The following DAPL1 variants were observed in gnomAD, a reference collection of about 807,000 sequenced individuals.
DAPL1 encodes the protein death-associated protein-like 1.
A neutral mutation model predicts 12.9 loss-of-function variants in DAPL1; 17 were observed. The ratio of observed to expected loss-of-function variants is 1.32; its 90% CI spans 0.90 to 1.98. The LOEUF is 1.98. Ranked by LOEUF, DAPL1 falls within the 30% of genes most tolerant of loss-of-function variation. The pLI, the probability that DAPL1 is intolerant of heterozygous loss-of-function variation, is 0.00. For synonymous variants in DAPL1, 51 were observed against 42.0 expected (o/e 1.21, Z -0.82); for missense variants, 157 against 125.7 (o/e 1.25, Z -1.19).
intron 2 of DAPL1, among the ~76,000 whole-genome samples, chr2:158,804,673 C>T (rs2059190541): frequency 1.3e-5 from 2 of 152,228 alleles, no homozygotes; most frequent in African/African-American, 4.8e-5. Flanking sequence ...CCAAACCTGA[C>T]ACACATCCTT....
intron 1 of DAPL1, among the ~76,000 whole-genome samples, chr2:158,796,010 G>A (rs1336113034): frequency 3.9e-5 from 6 of 152,088 alleles, no homozygotes; most frequent in African/African-American, 1.2e-4. Flanking sequence ...GAGGCTGACT[G>A]GAAAAAGTAG....
At chr2:158,802,623 C>T (rs72995160) in intron 1 of DAPL1, among the ~76,000 whole-genome samples, 1 of 152,172 alleles carries the variant, frequency 6.6e-6, no homozygotes, top group Non-Finnish European at 1.5e-5. Flanking sequence ...GTCTGCTCAC[C>T]TGCATGTAGT....
intron 3 of DAPL1, among the ~76,000 whole-genome samples, chr2:158,810,011 T>C (rs2059222186): frequency 6.6e-6 from 1 of 152,022 alleles, no homozygotes; most frequent in African/African-American, 2.4e-5. Flanking sequence ...CCAGAGGAAA[T>C]TTGGGGGAAT....
intron 3 of DAPL1, among the ~76,000 whole-genome samples, chr2:158,813,675 C>G (rs1011113081): frequency 6.6e-6 from 1 of 151,892 alleles, no homozygotes; most frequent in Non-Finnish European, 1.5e-5. Context: ...CCTGCCTCAG[C>G]CTCCAGAGTA....
At chr2:158,806,856 T>G (rs985386566) in intron 2 of DAPL1, among the ~76,000 whole-genome samples, 199 bp from the exon 3 acceptor site, 1 of 150,262 alleles carries the variant, frequency 6.7e-6, no homozygotes, top group Non-Finnish European at 1.5e-5. Flanking sequence ...AAAATAATAA[T>G]AATAATAATA....
chr2:158,800,062 CAAA>C (rs1553492201), intron 1 of DAPL1, among the ~76,000 whole-genome samples: 2 of 44,510 alleles, frequency 4.5e-5, no homozygotes, highest in Admixed American at 2.2e-4. Flanking sequence ...GACTCCATCT[CAAA>C]AAAAAAAAAA....
chr2:158,813,921 T>A (rs1338993736), intron 3 of DAPL1, among the ~76,000 whole-genome samples: 1 of 152,174 alleles, frequency 6.6e-6, no homozygotes, highest in Non-Finnish European at 1.5e-5. Flanking sequence ...ACAATCAACA[T>A]GTGGCTTTCT....
intron 3 of DAPL1, among the ~76,000 whole-genome samples, chr2:158,814,102 C>CCTTAA (rs1276784969): frequency 6.6e-6 from 1 of 152,150 alleles, no homozygotes; most frequent in East Asian, 1.9e-4. Context: ...TTAAAGCTAA[C>CCTTAA]CTGAAATAAT....
intron 1 of DAPL1, 32 bp from the exon 2 acceptor site, chr2:158,804,250 T>A (rs1272849974): frequency 1.3e-6 from 2 of 1,495,060 alleles, no homozygotes; most frequent in Admixed American, 3.6e-5. Context: ...CTCACTGTTC[T>A]AACTTCCATG....
intron 2 of DAPL1, among the ~76,000 whole-genome samples, chr2:158,806,005 A>G (rs2059198939): frequency 6.8e-6 from 1 of 147,912 alleles, no homozygotes; most frequent in African/African-American, 2.5e-5. Flanking sequence ...GTGGCAGGAG[A>G]CCCTAGGCTT....
At position 158,806,952 on chromosome 2, in the gene DAPL1, T is replaced by C; in HGVS notation, c.147-103T>C. On this transcript the variant is annotated intron_variant, in intron 2 of 3. Transcript: ENST00000309950. ...GTCTTCTAGATGTTCCTAAGCAAAG[T>C]GAAAGCATAAAAGGCTGGAGAGACA... 2.4e-6 allele frequency: 2 copies of C among 828,844 alleles called. 1 individual carries two copies. 51.3% of individuals were successfully genotyped at this position (828,844 alleles called of 1,614,324 possible). A position where few individuals can be genotyped will look rare whatever the true frequency, so the allele number is the denominator to read the frequency against.
intron 2 of DAPL1, among the ~76,000 whole-genome samples, chr2:158,805,436 G>A (rs1431285006): frequency 6.6e-6 from 1 of 152,158 alleles, no homozygotes; most frequent in Admixed American, 6.5e-5. Flanking sequence ...CCAGCATCTA[G>A]GACAGTTCCT....
chr2:158,809,364 A>AAAAAAAAAAAAAG (rs1405903241), intron 3 of DAPL1, among the ~76,000 whole-genome samples: 3 of 151,148 alleles, frequency 2.0e-5, no homozygotes, highest in Non-Finnish European at 4.4e-5. Context: ...TCTCAAAAAA[A>AAAAAAAAAAAAAG]AAAAGAAATA....
intron 3 of DAPL1, 79 bp from the exon 4 acceptor site, chr2:158,815,626 A>G (rs996324102): frequency 2.3e-6 from 2 of 862,166 alleles, no homozygotes; most frequent in Non-Finnish European, 3.9e-6. Context: ...TTGATCAACG[A>G]TATCACTTTC....
rs146397117 is a variant in DAPL1 at position 158,797,645 on chromosome 2, A to C, written c.58+2215A>C. Among the ~76,000 whole-genome samples, 691 of 152,174 alleles carry C rather than the reference A, an allele frequency of 4.5e-3. 1 individual carries two copies. The highest frequency in any genetic ancestry group is 0.016 in the African/African-American group (658 of 41,518). On this transcript the variant is annotated intron_variant, in intron 1 of 3. Coordinates refer to ENST00000309950, the MANE Select transcript of DAPL1 (RefSeq NM_001017920.3). ...CATCTCTATTAAAAATACAAAAATT[A>C]GCCGGGCGTGGGGCATGTGCCTGTA...
At chr2:158,809,294 G>T (rs961045732) in intron 3 of DAPL1, among the ~76,000 whole-genome samples, 2 of 135,626 alleles carry the variant, frequency 1.5e-5, no homozygotes, top group East Asian at 4.1e-4. Flanking sequence ...GGAGGTGGAG[G>T]TTGCAGTGAG....
Position 158,815,690 on chromosome 2 carries a change from C to A in DAPL1, c.208-15C>A. On this transcript the variant is annotated splice_polypyrimidine_tract_variant and intron_variant, in intron 3 of 3. Transcript: ENST00000309950. ...GATCCAATATGCCTATTTTTTCTTC[C>A]CTTCTCACCTTTAGCTCAACTATAA... The A allele has an allele frequency of 1.3e-6, 2 of 1,544,766 alleles. No individual in the cohort carries two copies. The highest frequency in any genetic ancestry group is 2.3e-5 in the South Asian group (2 of 88,770).
intron 1 of DAPL1, among the ~76,000 whole-genome samples, chr2:158,800,568 C>T (rs2059161697): frequency 6.6e-6 from 1 of 152,212 alleles, no homozygotes; most frequent in Admixed American, 6.5e-5. Context: ...AAGTGTCCTA[C>T]TCACAGTCAC....
At chr2:158,804,141 A>T in intron 1 of DAPL1, 141 bp from the exon 2 acceptor site, 1 of 558,896 alleles carries the variant, frequency 1.8e-6, no homozygotes, top group African/African-American at 1.9e-5. Context: ...TATATTTTTT[A>T]TTGTGTTGTT....
Sources: allele counts gnomAD v4.1 joint callset (sites outside exome capture counted in the v4.1 genomes callset), GRCh38; gene constraint gnomAD v4.1.1; transcripts MANE v1.5; gene names NCBI Gene and HGNC (gene_info 2026-07-23, HGNC 2026-07-21).